SPOCK1: variants seen among roughly 807,000 people sequenced by gnomAD.
SPOCK1 encodes the protein testican-1.
A neutral mutation model predicts 55.3 loss-of-function variants in SPOCK1; 23 were observed. That is an observed-to-expected ratio of 0.42 (90% CI 0.30 to 0.59). The LOEUF (loss-of-function observed/expected upper bound fraction) is 0.59. Ranked by LOEUF, SPOCK1 falls within the 20% of genes least tolerant of loss-of-function variation. SPOCK1 has a pLI of 0.22. For synonymous variants in SPOCK1, 226 were observed against 221.0 expected, an observed-to-expected ratio of 1.02 and a Z score of -0.20; for missense variants, 499 against 552.5, an observed-to-expected ratio of 0.90 and a Z score of 0.97.
At chr5:137,004,909 GGGA>G (rs1257750956) in intron 6 of SPOCK1, among the ~76,000 whole-genome samples, 19 of 152,190 alleles carry the variant, frequency 1.2e-4, no homozygotes, top group Admixed American at 1.2e-3. Flanking sequence ...TCTGGAAGAA[GGGA>G]GAGTGCACAG....
rs868845014 is a variant in SPOCK1, at chr5:137,293,463, C to A, written c.187-26408G>T. On this transcript the variant is annotated intron_variant, in intron 2 of 10. Transcript: ENST00000394945. ...GCCCTCTAGAGCTTCAAATCTCAAA[C>A]TTTAGCCTGCATCAGAATCACAGAG... Among the ~76,000 whole-genome samples, 34 of 149,872 alleles carry A rather than the reference C, an allele frequency of 2.3e-4. No homozygotes were observed. In the Middle Eastern group the frequency reaches 0.014, roughly 60 times the overall value.
chr5:137,401,053 C>A (rs1434602271), intron 2 of SPOCK1, among the ~76,000 whole-genome samples: 3 of 151,708 alleles, frequency 2.0e-5, no homozygotes, highest in Non-Finnish European at 4.4e-5. Context: ...TGTCTCTCAA[C>A]AGGGGCTATC....
intron 2 of SPOCK1, among the ~76,000 whole-genome samples, chr5:137,384,770 G>A (rs954373728): frequency 6.6e-6 from 1 of 151,970 alleles, no homozygotes; most frequent in Non-Finnish European, 1.5e-5. Context: ...CTTTGTCTCT[G>A]TGTGTCAAAT....
chr5:137,040,875 A>T (rs1316342163), intron 6 of SPOCK1, among the ~76,000 whole-genome samples: 1 of 152,164 alleles, frequency 6.6e-6, no homozygotes, highest in East Asian at 1.9e-4. Context: ...TGGCCAAGGA[A>T]ATTGTTCCTA....
At position 137,379,403 on chromosome 5, in the gene SPOCK1, G is replaced by A. The variant is rs192191338; in HGVS notation, c.187-112348C>T. ...AAACATATACAGATTTATTTTTACC[G>A]AAAAGAAAAAAAAGTCCTGGGTAAT... On this transcript the variant is annotated intron_variant, in intron 2 of 10. Transcript: ENST00000394945. Among the ~76,000 whole-genome samples the A allele has an allele frequency of 1.3e-3, 198 of 151,726 alleles. 1 individual carries two copies. The highest frequency in any genetic ancestry group is 3.4e-3 in the Middle Eastern group (1 of 294).
rs1752000185 is a variant in SPOCK1 at position 137,041,638 on chromosome 5, A to G, written c.589+26077T>C. Among the ~76,000 whole-genome samples the G allele has an allele frequency of 2.0e-5, 3 of 152,206 alleles. No individual in the cohort carries two copies. In the South Asian group the frequency reaches 6.2e-4, roughly 31 times the overall value. On this transcript the variant is annotated intron_variant, in intron 6 of 10. Coordinates refer to ENST00000394945, the MANE Select transcript of SPOCK1 (RefSeq NM_004598.4). ...CAAGAACATAAACAACCCAACTTTAAAAGTGTACAAAACATGGGAACAAAC... is the reference window on the plus strand; with the variant it reads ...CAAGAACATAAACAACCCAACTTTAGAAGTGTACAAAACATGGGAACAAAC...
At position 137,425,963 on chromosome 5, in the gene SPOCK1, GAAA is replaced by G. The variant is rs33927619; in HGVS notation, c.186+72407_186+72409del. ...TCTATATTGTTAAGGGTACATTACA[GAAA>G]AAAAAAAAAAAAAAAAAGGTTGCCA... On this transcript the variant is annotated intron_variant, in intron 2 of 10. Transcript: ENST00000394945. Among the ~76,000 whole-genome samples the G allele has an allele frequency of 3.2e-3, 350 of 108,924 alleles. 1 individual carries two copies. Among genetic ancestry groups the G allele is most frequent in the African/African-American group, 7.1e-3 (203 of 28,522 alleles). The allele number at this position is 108,924 out of a possible 152,430, so 71.5% of individuals were successfully genotyped here. A position where few individuals can be genotyped will look rare whatever the true frequency, so the allele number is the denominator to read the frequency against.
chr5:137,023,658 C>T (rs1751614440), intron 6 of SPOCK1, among the ~76,000 whole-genome samples: 1 of 152,106 alleles, frequency 6.6e-6, no homozygotes, highest in East Asian at 1.9e-4. Flanking sequence ...ATGAGGAAGG[C>T]ATCATTTCAT....
chr5:137,432,672 G>A (rs1274584500), intron 2 of SPOCK1, among the ~76,000 whole-genome samples: 1 of 152,182 alleles, frequency 6.6e-6, no homozygotes, highest in Non-Finnish European at 1.5e-5. Flanking sequence ...AGACAGTGGT[G>A]ATGGTTGCAC....
intron 3 of SPOCK1, among the ~76,000 whole-genome samples, chr5:137,160,036 A>G (rs1754495638): frequency 2.6e-5 from 4 of 151,654 alleles, no homozygotes; most frequent in Admixed American, 2.6e-4. Context: ...TTTAGTGGGG[A>G]TTTGTGAGAT....
At chr5:137,403,418 A>T (rs1451518959) in intron 2 of SPOCK1, among the ~76,000 whole-genome samples, 1 of 152,248 alleles carries the variant, frequency 6.6e-6, no homozygotes, top group Non-Finnish European at 1.5e-5. Context: ...CTTAGGATAA[A>T]ATGGTAAACA....
intron 3 of SPOCK1, among the ~76,000 whole-genome samples, chr5:137,147,958 TA>T (rs1754236441): frequency 6.6e-6 from 1 of 152,198 alleles, no homozygotes; most frequent in African/African-American, 2.4e-5. Context: ...CCCAGCACCA[TA>T]AAGCCTTAAT....
At chr5:137,471,701 A>G (rs1036480079) in intron 2 of SPOCK1, among the ~76,000 whole-genome samples, 1 of 152,198 alleles carries the variant, frequency 6.6e-6, no homozygotes, top group African/African-American at 2.4e-5. Context: ...CCTGGAGGCC[A>G]GCAGTCAGCA....
In SPOCK1 at chr5:136,975,975, T is replaced by C. The variant is rs185721040; in HGVS notation, c.*2679A>G. ...GATTCAGCTTAATACCTGTATCAAA[T>C]GAGGAAGTGGTTTATTACAATATTT... On this transcript the variant is annotated 3_prime_UTR_variant, in exon 11 of 11. Coordinates refer to ENST00000394945, the MANE Select transcript of SPOCK1 (RefSeq NM_004598.4). The C allele has an allele frequency of 6.6e-6, 1 of 152,306 alleles. No individual in the cohort carries two copies. Among genetic ancestry groups the C allele is most frequent in the Non-Finnish European group, 1.5e-5 (1 of 68,018 alleles). The allele number at this position is 152,306 out of a possible 1,614,324, so 9.4% of individuals were successfully genotyped here.
At position 137,198,768 on chromosome 5, in the gene SPOCK1, C is replaced by A. The variant is rs184488350; in HGVS notation, c.233-58074G>T. 4.9e-4 allele frequency among the ~76,000 whole-genome samples: 75 copies of A among 152,090 alleles called. 2 individuals carry two copies. Among genetic ancestry groups the A allele is most frequent in the Admixed American group, 2.4e-3 (37 of 15,282 alleles). On this transcript the variant is annotated intron_variant, in intron 3 of 10. Coordinates refer to ENST00000394945, the MANE Select transcript of SPOCK1 (RefSeq NM_004598.4). ...TTGACAGGTTTTAATTTTAGTGTAT[C>A]CAAACTTGTTTTAAGATTATTGTCT...
intron 2 of SPOCK1, among the ~76,000 whole-genome samples, chr5:137,427,865 C>T (rs10039239): frequency 0.077 from 11,417 of 148,714 alleles, 1,104 homozygotes; most frequent in African/African-American, 0.23. Flanking sequence ...GCCGAGATCG[C>T]GCCACTGCAC....
chr5:137,385,306 C>G (rs994491489), intron 2 of SPOCK1, among the ~76,000 whole-genome samples: 3 of 152,052 alleles, frequency 2.0e-5, no homozygotes, highest in Non-Finnish European at 4.4e-5. Context: ...ATCATGGGCT[C>G]CTGTATCAGA....
At chr5:137,058,620 A>C (rs190630696) in intron 6 of SPOCK1, among the ~76,000 whole-genome samples, 2 of 152,358 alleles carry the variant, frequency 1.3e-5, no homozygotes, top group East Asian at 3.9e-4. Flanking sequence ...ACAATAAAGA[A>C]AAAAGGTAAG....
intron 9 of SPOCK1, among the ~76,000 whole-genome samples, chr5:136,981,856 C>G (rs918347636): frequency 1.3e-5 from 2 of 152,156 alleles, no homozygotes; most frequent in African/African-American, 4.8e-5. Flanking sequence ...ATAATTCGCC[C>G]TTACAGTTCT....
Sources: allele counts gnomAD v4.1 joint callset (sites outside exome capture counted in the v4.1 genomes callset), GRCh38; gene constraint gnomAD v4.1.1; transcripts MANE v1.5; gene names NCBI Gene and HGNC (gene_info 2026-07-23, HGNC 2026-07-21).